Variants in CNTN3 observed in about 807,000 individuals in gnomAD.
CNTN3 encodes contactin-3.
Under a neutral mutation model 119.1 loss-of-function variants are expected in CNTN3, and 60 were observed. That is an observed-to-expected ratio of 0.50 (90% CI 0.41 to 0.62). The LOEUF (loss-of-function observed/expected upper bound fraction) is 0.62, where lower values mean the gene tolerates loss of function less well. Ranked by LOEUF, CNTN3 falls within the 20% of genes least tolerant of loss-of-function variation. The pLI is 0.00. For missense variants in CNTN3, 1,101 were observed against 1,242.4 expected, an observed-to-expected ratio of 0.89 and a Z score of 1.71; for synonymous variants, 450 against 438.7, an observed-to-expected ratio of 1.03 and a Z score of -0.32.
intron 4 of CNTN3, among the ~76,000 whole-genome samples, chr3:74,482,458 T>C (rs1702779228): frequency 6.6e-6 from 1 of 151,990 alleles, no homozygotes; most frequent in South Asian, 2.1e-4. Context: ...ATCTATAAAA[T>C]CCAGGGTAAA....
intron 20 of CNTN3, among the ~76,000 whole-genome samples, chr3:74,275,863 T>C (rs113382076): frequency 0.042 from 6,343 of 152,072 alleles, 167 homozygotes; most frequent in Non-Finnish European, 0.066. Context: ...TGGGTAAGAA[T>C]TCACCAAACA....
intron 1 of CNTN3, among the ~76,000 whole-genome samples, chr3:74,605,323 T>C (rs927153355): frequency 6.6e-6 from 1 of 152,138 alleles, no homozygotes; most frequent in African/African-American, 2.4e-5. Flanking sequence ...GCATGTGATA[T>C]AATATGTTAT....
At chr3:74,424,254 T>C (rs1208813315) in intron 5 of CNTN3, among the ~76,000 whole-genome samples, 2 of 152,126 alleles carry the variant, frequency 1.3e-5, no homozygotes, top group African/African-American at 4.8e-5. Context: ...AGTTCATTTT[T>C]ACTCTGGGTC....
At chr3:74,508,262 C>A (rs1008867428) in intron 2 of CNTN3, among the ~76,000 whole-genome samples, 1 of 152,072 alleles carries the variant, frequency 6.6e-6, no homozygotes, top group Non-Finnish European at 1.5e-5. Context: ...TGAAGAAATG[C>A]CTTGCTGCTT....
chr3:74,572,030 A>G (rs1293202269), intron 1 of CNTN3, among the ~76,000 whole-genome samples: 1 of 151,994 alleles, frequency 6.6e-6, no homozygotes, highest in Non-Finnish European at 1.5e-5. Context: ...AGCCTTTGCA[A>G]CTCTTCTCAT....
intron 4 of CNTN3, among the ~76,000 whole-genome samples, chr3:74,437,260 C>T (rs1387577979): frequency 1.3e-5 from 2 of 152,014 alleles, no homozygotes; most frequent in East Asian, 1.9e-4. Context: ...AGATTGAGAC[C>T]GTCCTGGTTA....
chr3:74,424,758 A>G, intron 5 of CNTN3, 87 bp downstream of exon 5: 1 of 1,087,934 alleles, frequency 9.2e-7, no homozygotes, highest in Admixed American at 2.0e-5. Flanking sequence ...TCTCAGAGTA[A>G]TTTACAGATG....
chr3:74,364,351 C>G, intron 10 of CNTN3, 116 bp downstream of exon 10: 1 of 931,638 alleles, frequency 1.1e-6, no homozygotes, highest in Non-Finnish European at 1.6e-6. Flanking sequence ...TGTTGTAATA[C>G]TGTAGATATT....
chr3:74,559,661 T>C (rs973959002), intron 1 of CNTN3, among the ~76,000 whole-genome samples: 2 of 151,972 alleles, frequency 1.3e-5, no homozygotes, highest in Admixed American at 6.6e-5. Flanking sequence ...TACTTCTGCA[T>C]TGCTCAAAGG....
intron 5 of CNTN3, among the ~76,000 whole-genome samples, chr3:74,401,899 T>C (rs1705204158): frequency 6.6e-6 from 1 of 152,202 alleles, no homozygotes; most frequent in Non-Finnish European, 1.5e-5. Context: ...GTAATCACTT[T>C]ATAGTTAAAG....
At chr3:74,539,137 G>C (rs935266029) in intron 1 of CNTN3, among the ~76,000 whole-genome samples, 1 of 152,006 alleles carries the variant, frequency 6.6e-6, no homozygotes, top group Non-Finnish European at 1.5e-5. Flanking sequence ...ACCTGGATCT[G>C]ATCATCAATA....
intron 2 of CNTN3, among the ~76,000 whole-genome samples, chr3:74,516,065 A>T (rs1703445693): frequency 6.6e-6 from 1 of 151,948 alleles, no homozygotes; most frequent in South Asian, 2.1e-4. Context: ...TACAGATGAA[A>T]GGCTTAGTGC....
chr3:74,609,957 G>C (rs1705052813), intron 1 of CNTN3, among the ~76,000 whole-genome samples: 1 of 152,124 alleles, frequency 6.6e-6, no homozygotes, highest in African/African-American at 2.4e-5. Context: ...ATTCAGGGTA[G>C]GAAGGAAATC....
At chr3:74,408,544 C>CT (rs1234441586) in intron 5 of CNTN3, among the ~76,000 whole-genome samples, 1 of 152,128 alleles carries the variant, frequency 6.6e-6, no homozygotes, top group Admixed American at 6.6e-5. Flanking sequence ...AACTGGCTTG[C>CT]TTTTTGGATC....
chr3:74,301,461 T>G lies in CNTN3; in HGVS notation c.2032A>C (p.Ser678Arg), dbSNP rs1481957979. 8.7e-6 allele frequency: 14 copies of G among 1,614,144 alleles called. No individual in the cohort carries two copies. The South Asian group carries it at 1.4e-4, about 16-fold the overall frequency. ...WVEYEFRVVA[S>R]NKIGGGEPSL... ...GGTTCTCCACCTCCAATTTTGTTAC[T>G]GGCTACAACCCGAAATTCATATTCC... The change falls in exon 16 of 23, where the codon AGT (serine) becomes CGT (arginine). Residue 678 changes from serine (S) to arginine (R), a missense_variant. Ser to Arg is a moderately radical substitution (Grantham distance 110). Transcript: ENST00000263665.
intron 1 of CNTN3, among the ~76,000 whole-genome samples, chr3:74,570,249 G>T (rs908637638): frequency 2.0e-5 from 3 of 152,046 alleles, no homozygotes; most frequent in Admixed American, 1.3e-4. Context: ...GGCCATCTTA[G>T]AATCCAGCCT....
At chr3:74,288,284 G>T (rs1194938628) in intron 19 of CNTN3, among the ~76,000 whole-genome samples, 1 of 150,162 alleles carries the variant, frequency 6.7e-6, no homozygotes, top group Non-Finnish European at 1.5e-5. Flanking sequence ...TCAACCTTCT[G>T]AGTAGCAGGG....
rs1477299154 is a variant in CNTN3 at position 74,418,583 on chromosome 3, C to T, written c.454+6262G>A. Among the ~76,000 whole-genome samples the T allele has an allele frequency of 4.0e-5, 6 of 151,838 alleles. No homozygotes were observed. In the East Asian group the frequency reaches 9.8e-4, roughly 25 times the overall value. The stretch of plus-strand genomic sequence containing the variant: ...CTCCATCTCCCAACCTCAGGCAACC[C>T]GCCCACCTTGGCTTCCCAAAATGTT... On this transcript the variant is annotated intron_variant, in intron 5 of 22. Transcript: ENST00000263665.
chr3:74,509,636 T>C (rs1280264837), intron 2 of CNTN3, among the ~76,000 whole-genome samples: 1 of 152,150 alleles, frequency 6.6e-6, no homozygotes, highest in Non-Finnish European at 1.5e-5. Context: ...TGGCACAGAT[T>C]ATAAATAAGT....
Sources: gnomAD v4.1 joint callset for allele counts (sites outside exome capture counted in the v4.1 genomes callset) on GRCh38, gnomAD v4.1.1 for gene constraint, MANE v1.5 for transcripts, NCBI Gene and HGNC (gene_info 2026-07-23, HGNC 2026-07-21) for gene names.